ADGRL2: variants seen among roughly 807,000 people sequenced by gnomAD.
ADGRL2 encodes calcium-independent alpha-latrotoxin receptor 2.
A neutral mutation model predicts 157.4 loss-of-function variants in ADGRL2; 44 were observed. That is an observed-to-expected ratio of 0.28 (90% confidence interval 0.22 to 0.36). The LOEUF is 0.36. Ranked by LOEUF, ADGRL2 falls within the 10% of genes least tolerant of loss-of-function variation. The pLI is 1.00. For synonymous variants in ADGRL2, 585 were observed against 624.7 expected, an observed-to-expected ratio of 0.94 and a Z score of 0.95; for missense variants, 1,510 against 1,768.9, an observed-to-expected ratio of 0.85 and a Z score of 2.63.
intron 2 of ADGRL2, among the ~76,000 whole-genome samples, chr1:81,553,154 A>C (rs960893006): frequency 6.6e-6 from 1 of 152,182 alleles, no homozygotes; most frequent in African/African-American, 2.4e-5. Flanking sequence ...TTTCTGAAAA[A>C]CACATAAAAA....
At chr1:81,446,231 G>A (rs143911790) in intron 2 of ADGRL2, among the ~76,000 whole-genome samples, 119 of 152,240 alleles carry the variant, frequency 7.8e-4, no homozygotes, top group African/African-American at 2.7e-3. Context: ...CCAGCCCGGC[G>A]CACAGCACAG....
At chr1:81,314,458 G>T (rs1659970695) in intron 1 of ADGRL2, among the ~76,000 whole-genome samples, 1 of 152,076 alleles carries the variant, frequency 6.6e-6, no homozygotes, top group Non-Finnish European at 1.5e-5. Context: ...CCAGAGCAGG[G>T]TTTGCCCTCA....
chr1:81,924,374 A>G (rs2095056677), intron 3 of ADGRL2, among the ~76,000 whole-genome samples: 1 of 152,184 alleles, frequency 6.6e-6, no homozygotes, highest in African/African-American at 2.4e-5. Flanking sequence ...AACTCAGTTC[A>G]GAGGTATTTG....
At chr1:81,858,198 G>A (rs931049750) in intron 2 of ADGRL2, among the ~76,000 whole-genome samples, 1 of 152,158 alleles carries the variant, frequency 6.6e-6, no homozygotes, top group Admixed American at 6.5e-5. Flanking sequence ...GATAATAGCA[G>A]TGTTGGTTTA....
chr1:81,491,239 C>A (rs72715568), intron 2 of ADGRL2, among the ~76,000 whole-genome samples: 3,536 of 152,220 alleles, frequency 0.023, 67 homozygotes, highest in Non-Finnish European at 0.034. Context: ...AAATAAAGCT[C>A]TAAAACAAGC....
Position 81,583,584 on chromosome 1 carries a change from CA to C in ADGRL2, c.-143+2607del, listed in dbSNP as rs1416592356. Among the ~76,000 whole-genome samples the C allele has an allele frequency of 2.0e-5, 3 of 152,102 alleles. No individual in the cohort carries two copies. In the East Asian group the frequency reaches 5.8e-4, roughly 29 times the overall value. On this transcript the variant is annotated intron_variant, in intron 3 of 24. Transcript: ENST00000370721. ...CTTATTTTACTCTTCACGTTGGTTG[CA>C]AAGCTCCTCCCCATTGAAGATATTT...
chr1:81,604,290 AAT>A (rs1209017581), intron 3 of ADGRL2, among the ~76,000 whole-genome samples: 1 of 152,094 alleles, frequency 6.6e-6, no homozygotes, highest in Non-Finnish European at 1.5e-5. Flanking sequence ...TCTTAAACAG[AAT>A]ATAGATGAGC....
chr1:81,616,659 C>CTTTTCTTTTA (rs2081654920), intron 3 of ADGRL2, among the ~76,000 whole-genome samples: 2 of 94,764 alleles, frequency 2.1e-5, no homozygotes, highest in South Asian at 3.4e-4. Flanking sequence ...TTTTTTTTTT[C>CTTTTCTTTTA]TTTTCTTTTC....
chr1:81,502,644 C>T (rs1218093845), intron 2 of ADGRL2: 17 of 1,613,876 alleles, frequency 1.1e-5, no homozygotes, highest in Admixed American at 8.3e-5. Context: ...ACCAGCGCTG[C>T]CTTCACCCTC....
intron 1 of ADGRL2, among the ~76,000 whole-genome samples, chr1:81,741,839 A>T (rs2085082753): frequency 6.6e-6 from 1 of 151,898 alleles, no homozygotes; most frequent in South Asian, 2.1e-4. Context: ...TATAAAATAT[A>T]TATTAAAATT....
At position 81,539,136 on chromosome 1, in the gene ADGRL2, T is replaced by A. The variant is rs185193491; in HGVS notation, c.-247-41740T>A. 1.2e-3 allele frequency among the ~76,000 whole-genome samples: 183 copies of A among 152,168 alleles called. 2 individuals carry two copies. The highest frequency in any genetic ancestry group is 6.2e-4 in the Non-Finnish European group (42 of 67,996). On this transcript the variant is annotated intron_variant, in intron 2 of 24. Transcript: ENST00000370721. ...ATTAGGTGTGCATATTTATAAATTA[T>A]CCAGGTTTTTATCAAGAAATGTCCA...
chr1:81,847,186 A>T (rs981853400), intron 2 of ADGRL2, among the ~76,000 whole-genome samples: 1 of 151,934 alleles, frequency 6.6e-6, no homozygotes, highest in Non-Finnish European at 1.5e-5. Flanking sequence ...CAGAAGAAAG[A>T]TGATGGAGGT....
chr1:81,661,186 ATTT>A (rs140405432), intron 3 of ADGRL2, among the ~76,000 whole-genome samples: 1 of 151,642 alleles, frequency 6.6e-6, no homozygotes, highest in African/African-American at 2.4e-5. Flanking sequence ...TTCCATAAGC[ATTT>A]TTTTTATTAA....
intron 1 of ADGRL2, among the ~76,000 whole-genome samples, chr1:81,323,115 C>A (rs1319261074): frequency 6.6e-6 from 1 of 152,158 alleles, no homozygotes; most frequent in East Asian, 1.9e-4. Flanking sequence ...AACTTGGCCT[C>A]CCAAAATGCT....
intron 2 of ADGRL2, among the ~76,000 whole-genome samples, chr1:81,553,585 AC>A (rs1212925186): frequency 6.6e-6 from 1 of 152,164 alleles, no homozygotes; most frequent in Non-Finnish European, 1.5e-5. Flanking sequence ...ACACATCAAT[AC>A]CTTCTTTATG....
intron 1 of ADGRL2, among the ~76,000 whole-genome samples, chr1:81,747,413 G>T (rs1271829292): frequency 6.6e-6 from 1 of 151,334 alleles, no homozygotes; most frequent in African/African-American, 2.4e-5. Flanking sequence ...GGATTCTCCT[G>T]TCTCAGCCTC....
intron 10 of ADGRL2, 91 bp from the exon 11 acceptor site, chr1:81,955,786 A>G: frequency 1.3e-6 from 1 of 744,118 alleles, no homozygotes; most frequent in Non-Finnish European, 2.2e-6. Context: ...ATCATGACAG[A>G]TAAATATTAC....
chr1:81,663,757 T>G (rs1012101207), intron 3 of ADGRL2, among the ~76,000 whole-genome samples: 12 of 152,210 alleles, frequency 7.9e-5, no homozygotes, highest in Non-Finnish European at 1.8e-4. Flanking sequence ...TCCAGGCATT[T>G]GCTGGTCATG....
Position 81,907,099 on chromosome 1 carries a change from G to A in ADGRL2, c.156G>A (p.Pro52=), listed in dbSNP as rs769956127. 3.4e-5 allele frequency: 55 copies of A among 1,614,020 alleles called. No homozygotes were observed. Among genetic ancestry groups the A allele is most frequent in the Admixed American group, 5.0e-5 (3 of 59,988 alleles). ...CEGYSIDLRC[P]GSDVIMIESA... ...GTTATTCTATAGATCTGCGATGCCCGGGCAGTGATGTCATCATGATTGAGA... is the reference window on the plus strand; with the variant it reads ...GTTATTCTATAGATCTGCGATGCCCAGGCAGTGATGTCATCATGATTGAGA... The change falls in exon 3 of 24, where the codon CCG becomes CCA. Residue 52 remains proline, a synonymous_variant. Transcript: ENST00000686636.
Sources: allele counts gnomAD v4.1 joint callset (sites outside exome capture counted in the v4.1 genomes callset), GRCh38; gene constraint gnomAD v4.1.1; transcripts MANE v1.5; gene names NCBI Gene and HGNC (gene_info 2026-07-23, HGNC 2026-07-21).